The following SLC41A3 variants were observed in gnomAD, a reference collection of about 807,000 sequenced individuals.
The protein encoded by SLC41A3 is solute carrier family 41 member 3.
SLC41A3 carries 44 observed loss-of-function variants against 45.4 expected under a neutral mutation model. The observed-to-expected ratio is 0.97, with a 90% CI of 0.76 to 1.25. SLC41A3 has a LOEUF of 1.25. SLC41A3 is among the 50% of genes most tolerant of loss of function. The pLI, the probability that SLC41A3 is intolerant of heterozygous loss-of-function variation, is 0.00. For synonymous variants in SLC41A3, 256 were observed against 252.4 expected, an observed-to-expected ratio of 1.01 and a Z score of -0.13; for missense variants, 550 against 600.6, an observed-to-expected ratio of 0.92 and a Z score of 0.88.
intron 1 of SLC41A3, among the ~76,000 whole-genome samples, chr3:126,082,653 C>G (rs1359503515): frequency 6.6e-6 from 1 of 152,216 alleles, no homozygotes; most frequent in African/African-American, 2.4e-5. Flanking sequence ...GACACTCTGT[C>G]ACCCAGAAGC....
At chr3:126,040,026 G>C (rs535791841) in intron 3 of SLC41A3, among the ~76,000 whole-genome samples, 19 of 152,240 alleles carry the variant, frequency 1.2e-4, no homozygotes, top group African/African-American at 4.6e-4. Context: ...CCAGGGCAAG[G>C]AAAATATAAG....
chr3:126,087,362 A>G (rs1945413200), upstream of SLC41A3, among the ~76,000 whole-genome samples: 1 of 152,132 alleles, frequency 6.6e-6, no homozygotes, highest in South Asian at 2.1e-4. Context: ...CAGGTAAACA[A>G]ATAAATTAAT....
intron 1 of SLC41A3, among the ~76,000 whole-genome samples, chr3:126,076,564 T>TA (rs1326324748): frequency 6.6e-6 from 1 of 152,108 alleles, no homozygotes. Context: ...TATATCACAA[T>TA]AAAAAAATTA....
intron 1 of SLC41A3, among the ~76,000 whole-genome samples, chr3:126,096,849 C>A (rs1468394382): frequency 6.6e-6 from 1 of 152,210 alleles, no homozygotes; most frequent in African/African-American, 2.4e-5. Flanking sequence ...TCCTCTAATG[C>A]TGCTGGGTTA....
intron 2 of SLC41A3, among the ~76,000 whole-genome samples, chr3:126,059,256 AAAGAAAG>A (rs750776982): frequency 0.029 from 118 of 4,088 alleles, 2 homozygotes; most frequent in South Asian, 0.056. Context: ...AGAAAGAAAG[AAAGAAAG>A]AAGAAAGAAA....
chr3:126,093,265 C>T (rs1316884902), intron 1 of SLC41A3, among the ~76,000 whole-genome samples: 1 of 152,172 alleles, frequency 6.6e-6, no homozygotes, highest in African/African-American at 2.4e-5. Context: ...AAAAAGAAAA[C>T]TGCTGAGTCT....
intron 6 of SLC41A3, among the ~76,000 whole-genome samples, chr3:126,021,536 T>C (rs1940881830): frequency 6.6e-6 from 1 of 152,236 alleles, no homozygotes; most frequent in African/African-American, 2.4e-5. Context: ...TGGCCACTTA[T>C]TATCTTAGAG....
chr3:126,052,283 G>T (rs59142424), intron 2 of SLC41A3, among the ~76,000 whole-genome samples: 1 of 152,084 alleles, frequency 6.6e-6, no homozygotes, highest in Admixed American at 6.5e-5. Context: ...CCTCCACATA[G>T]GGTGGGCCTC....
intron 1 of SLC41A3, among the ~76,000 whole-genome samples, chr3:126,075,668 A>G (rs76306256): frequency 0.031 from 4,657 of 152,328 alleles, 145 homozygotes; most frequent in African/African-American, 0.081. Context: ...GAGTCTATAA[A>G]TAAATTCATG....
At chr3:126,031,574 A>G (rs1941798656) in intron 4 of SLC41A3, among the ~76,000 whole-genome samples, 1 of 152,220 alleles carries the variant, frequency 6.6e-6, no homozygotes, top group South Asian at 2.1e-4. Flanking sequence ...TCCAATGAAT[A>G]AAACTTATTG....
At chr3:126,067,732 T>C in intron 2 of SLC41A3, 1 of 604,630 alleles carries the variant, frequency 1.7e-6, no homozygotes, top group Non-Finnish European at 2.8e-6. Context: ...ATCAATCATA[T>C]GGGCTAATAA....
rs76525270 is a variant in SLC41A3, at chr3:126,052,066, T to C, written c.274-1016A>G. On this transcript the variant is annotated intron_variant, in intron 2 of 10. Coordinates refer to ENST00000360370, the MANE Select transcript of SLC41A3 (RefSeq NM_017836.4). ...CTTTCTGCTCTCAGACCAAGGAAGA[T>C]GAGCACTGTTTAGTTTCTTCCTGTA... Among the ~76,000 whole-genome samples the C allele has an allele frequency of 2.0e-5, 3 of 152,286 alleles. No homozygotes were observed. The East Asian group carries it at 5.8e-4, about 29-fold the overall frequency.
chr3:126,083,353 A>G (rs572791628), intron 1 of SLC41A3, among the ~76,000 whole-genome samples: 2 of 152,350 alleles, frequency 1.3e-5, no homozygotes, highest in Admixed American at 6.5e-5. Flanking sequence ...CTTCTAAAAA[A>G]AAGTGGGATT....
chr3:126,030,550 T>G (rs529428027), intron 4 of SLC41A3, among the ~76,000 whole-genome samples: 1 of 152,318 alleles, frequency 6.6e-6, no homozygotes, highest in African/African-American at 2.4e-5. Flanking sequence ...TATTTTCTAC[T>G]GGGGTCTCCT....
rs892157593 is a variant in SLC41A3 at position 126,006,454 on chromosome 3, G to T, written c.*562C>A. 1.2e-6 allele frequency: 2 copies of T among 1,613,592 alleles called. No individual in the cohort carries two copies. Among genetic ancestry groups the T allele is most frequent in the African/African-American group, 2.7e-5 (2 of 74,980 alleles). On this transcript the variant is annotated 3_prime_UTR_variant, in exon 11 of 11. Coordinates refer to ENST00000360370, the MANE Select transcript of SLC41A3 (RefSeq NM_017836.4). ...AAACAAAAAGGAAAATAAAAAGACA[G>T]CAAGGACACGATTAAATGTTGAGTG...
chr3:126,061,849 T>A (rs906729602), intron 2 of SLC41A3, among the ~76,000 whole-genome samples: 1 of 152,070 alleles, frequency 6.6e-6, no homozygotes, highest in Non-Finnish European at 1.5e-5. Context: ...CTCTGCTGTC[T>A]CTCTTGGGCT....
At chr3:126,021,882 A>C (rs754908733) in intron 6 of SLC41A3, among the ~76,000 whole-genome samples, 39 of 152,240 alleles carry the variant, frequency 2.6e-4, no homozygotes, top group Non-Finnish European at 5.6e-4. Context: ...GTTTACAAAG[A>C]ATTTACATTA....
chr3:126,090,028 C>CTTTTTT (rs59737864), intron 1 of SLC41A3, among the ~76,000 whole-genome samples: 4 of 99,344 alleles, frequency 4.0e-5, no homozygotes, highest in East Asian at 3.3e-4. Context: ...TCAAGAAAAT[C>CTTTTTT]TTTTTTTTTT....
intron 3 of SLC41A3, among the ~76,000 whole-genome samples, chr3:126,047,981 T>C (rs1164487800): frequency 6.6e-6 from 1 of 152,164 alleles, no homozygotes; most frequent in Non-Finnish European, 1.5e-5. Flanking sequence ...AAGCATATAC[T>C]GATAAGAGAT....
Sources: gnomAD v4.1 joint callset for allele counts (sites outside exome capture counted in the v4.1 genomes callset) on GRCh38, gnomAD v4.1.1 for gene constraint, MANE v1.5 for transcripts, NCBI Gene and HGNC (gene_info 2026-07-23, HGNC 2026-07-21) for gene names.